The following ABCC5 variants were observed in gnomAD, a reference collection of about 807,000 sequenced individuals.
ABCC5 encodes ATP-binding cassette sub-family C member 5.
Under a neutral mutation model 160.9 loss-of-function variants are expected in ABCC5, and 61 were observed. The ratio of observed to expected loss-of-function variants is 0.38; its 90% CI spans 0.31 to 0.47. ABCC5 has a LOEUF of 0.47. Ranked by LOEUF, ABCC5 falls within the 20% of genes least tolerant of loss-of-function variation. ABCC5 has a pLI of 0.99. For synonymous variants in ABCC5, 666 were observed against 700.6 expected (o/e 0.95, Z 0.78); for missense variants, 1,308 against 1,813.3 (o/e 0.72, Z 5.06).
intron 1 of ABCC5, among the ~76,000 whole-genome samples, chr3:184,014,853 C>T (rs1699231485): frequency 6.6e-6 from 1 of 152,102 alleles, no homozygotes; most frequent in South Asian, 2.1e-4. Flanking sequence ...AAGTGGACAT[C>T]ATTTCTTCTA....
intron 11 of ABCC5, among the ~76,000 whole-genome samples, chr3:183,969,200 A>T (rs1263804644): frequency 1.3e-5 from 2 of 152,230 alleles, no homozygotes; most frequent in Non-Finnish European, 2.9e-5. Flanking sequence ...AGGGAGAATT[A>T]AGGCATCTCT....
chr3:183,928,611 T>C lies in ABCC5; in HGVS notation c.3933+136A>G, dbSNP rs758944155. The C allele has an allele frequency of 2.4e-5, 17 of 715,312 alleles. No individual in the cohort carries two copies. In the East Asian group the frequency reaches 3.6e-4, roughly 15 times the overall value. 44.3% of individuals were successfully genotyped at this position (715,312 alleles called of 1,614,324 possible). A position where few individuals can be genotyped will look rare whatever the true frequency, so the allele number is the denominator to read the frequency against. Reference sequence around the variant, plus strand: ...AGCTTTTCCCAGGTATCTGAAAGACTTGGAGAGCCCTGCCACGAAGCCTTT... The same window carrying C: ...AGCTTTTCCCAGGTATCTGAAAGACCTGGAGAGCCCTGCCACGAAGCCTTT... On this transcript the variant is annotated intron_variant, in intron 27 of 29. Coordinates refer to ENST00000334444, the MANE Select transcript of ABCC5 (RefSeq NM_005688.4).
At chr3:183,966,217 A>T (rs1363504640) in intron 12 of ABCC5, among the ~76,000 whole-genome samples, 1 of 152,210 alleles carries the variant, frequency 6.6e-6, no homozygotes. Flanking sequence ...GTACTTGTTC[A>T]TATAAGCTGG....
At chr3:183,972,008 C>T in intron 10 of ABCC5, 89 bp from the exon 11 acceptor site, 1 of 1,598,034 alleles carries the variant, frequency 6.3e-7, no homozygotes, top group East Asian at 2.2e-5. Flanking sequence ...CGTAGCAAAA[C>T]ACATCAGGCT....
intron 26 of ABCC5, among the ~76,000 whole-genome samples, chr3:183,934,354 AAAAGG>A (rs1401527282): frequency 6.6e-6 from 1 of 152,236 alleles, no homozygotes; most frequent in Non-Finnish European, 1.5e-5. Flanking sequence ...CTGAGAGGAT[AAAAGG>A]AAACCTTAGG....
At chr3:183,933,413 G>T (rs1392437413) in intron 26 of ABCC5, among the ~76,000 whole-genome samples, 2 of 152,112 alleles carry the variant, frequency 1.3e-5, no homozygotes, top group Admixed American at 1.3e-4. Context: ...CACTCCAGCT[G>T]CGGGGGATAG....
Position 183,920,762 on chromosome 3 carries a change from C to T in ABCC5, c.*538G>A, listed in dbSNP as rs1711898551. ...GGGCTGTCGGAGGGCCCACTATTGC[C>T]ACACGTCTTCCTTTGGACACCCAGA... On this transcript the variant is annotated 3_prime_UTR_variant, in exon 30 of 30. Transcript: ENST00000334444. The surrounding 1 kb of genome is among the most constrained non-coding windows in gnomAD (Gnocchi z 4.1). The T allele has an allele frequency of 6.6e-6, 1 of 152,530 alleles. No homozygotes were observed. Among genetic ancestry groups the T allele is most frequent in the South Asian group, 2.1e-4 (1 of 4,828 alleles). The allele number at this position is 152,530 out of a possible 1,614,324, so 9.4% of individuals were successfully genotyped here. A position where few individuals can be genotyped will look rare whatever the true frequency, so the allele number is the denominator to read the frequency against.
intron 2 of ABCC5, chr3:184,001,269 A>G: frequency 1.9e-6 from 1 of 516,200 alleles, no homozygotes; most frequent in East Asian, 3.0e-5. Context: ...TAAAAAGTAA[A>G]AGGTAAATTA....
intron 2 of ABCC5, among the ~76,000 whole-genome samples, chr3:184,004,815 A>C (rs548690502): frequency 1.3e-5 from 2 of 152,362 alleles, no homozygotes; most frequent in South Asian, 4.1e-4. Flanking sequence ...CAGGATTCTT[A>C]AAAAAGCCAA....
chr3:183,991,473 A>G (rs1036460601), intron 2 of ABCC5, among the ~76,000 whole-genome samples: 2 of 152,204 alleles, frequency 1.3e-5, no homozygotes, highest in Non-Finnish European at 2.9e-5. Flanking sequence ...GAACTTAAAC[A>G]TTAACAGAAC....
intron 25 of ABCC5, among the ~76,000 whole-genome samples, chr3:183,941,061 T>C (rs751836656): frequency 5.3e-5 from 8 of 152,176 alleles, no homozygotes; most frequent in Non-Finnish European, 7.3e-5. Flanking sequence ...GGTTTCACCA[T>C]GTTGGCCAGG....
intron 24 of ABCC5, 24 bp downstream of exon 24, chr3:183,945,826 G>A (rs1714789166): frequency 1.2e-6 from 2 of 1,604,078 alleles, no homozygotes; most frequent in South Asian, 2.2e-5. Flanking sequence ...TCAGATCACG[G>A]TAAAAGGCCT....
intron 2 of ABCC5, among the ~76,000 whole-genome samples, chr3:184,005,270 T>C (rs576905711): frequency 1.3e-5 from 2 of 152,306 alleles, no homozygotes; most frequent in African/African-American, 2.4e-5. Flanking sequence ...AAAGTACACA[T>C]GTCAGTCTTG....
At chr3:183,933,805 T>G (rs1713412421) in intron 26 of ABCC5, among the ~76,000 whole-genome samples, 2 of 152,230 alleles carry the variant, frequency 1.3e-5, no homozygotes, top group African/African-American at 4.8e-5. Flanking sequence ...ATTTTGGTTT[T>G]ACCTTGCTTT....
chr3:183,927,734 G>C (rs917842751), intron 27 of ABCC5: 12 of 985,270 alleles, frequency 1.2e-5, no homozygotes, highest in African/African-American at 1.0e-4. Flanking sequence ...CTTAAGTTTT[G>C]GTTCTGAAAA....
intron 2 of ABCC5, among the ~76,000 whole-genome samples, chr3:184,004,213 TAA>T (rs11298066): frequency 3.3e-3 from 466 of 141,158 alleles, no homozygotes; most frequent in Admixed American, 4.7e-3. Context: ...AGGCTTTAGC[TAA>T]AAAAAAAAAA....
chr3:183,935,265 C>G lies in ABCC5; in HGVS notation c.3854+2636G>C, dbSNP rs954891627. Reference sequence around the variant, plus strand: ...GCATGATCTCGGCACACTGTAACCTCCACCTCCCAGGTTCCAGCAATTCTC... The same window carrying G: ...GCATGATCTCGGCACACTGTAACCTGCACCTCCCAGGTTCCAGCAATTCTC... On this transcript the variant is annotated intron_variant, in intron 26 of 29. Transcript: ENST00000334444. Among the ~76,000 whole-genome samples, 3 of 151,950 alleles carry G rather than the reference C, an allele frequency of 2.0e-5. No homozygotes were observed. In the South Asian group the frequency reaches 6.2e-4, roughly 32 times the overall value.
chr3:184,012,543 G>A (rs1711266441), intron 2 of ABCC5, among the ~76,000 whole-genome samples: 1 of 152,138 alleles, frequency 6.6e-6, no homozygotes, highest in Admixed American at 6.5e-5. Context: ...TATGTCACAC[G>A]CTCTTTCCAT....
chr3:183,922,329 G>C (rs1344896148), intron 29 of ABCC5, among the ~76,000 whole-genome samples: 1 of 152,096 alleles, frequency 6.6e-6, no homozygotes, highest in Non-Finnish European at 1.5e-5. Context: ...CAGAGATCGT[G>C]CTATTGCACT....
Sources: allele counts gnomAD v4.1 joint callset (sites outside exome capture counted in the v4.1 genomes callset), GRCh38; gene constraint gnomAD v4.1.1; non-coding constraint Gnocchi (gnomAD v3.1); transcripts MANE v1.5; gene names NCBI Gene and HGNC (gene_info 2026-07-23, HGNC 2026-07-21).